ARF4: variants seen among roughly 807,000 people sequenced by gnomAD.
ARF4 encodes the protein ADP-ribosylation factor 4.
In ARF4, 5 loss-of-function variants were observed where a neutral mutation model predicts 24.3. That is an observed-to-expected ratio of 0.21 (90% confidence interval 0.11 to 0.43). The LOEUF is 0.43. Ranked by LOEUF, ARF4 falls within the 20% of genes least tolerant of loss-of-function variation. The probability of loss-of-function intolerance (pLI) is 1.00; values close to 1 mark genes in which losing one functional copy is unlikely to be tolerated. For synonymous variants in ARF4, 62 were observed against 73.5 expected (o/e 0.84, Z 0.80); for missense variants, 107 against 213.0 (o/e 0.50, Z 3.10).
chr3:57,575,125 C>T (rs2153408408), intron 5 of ARF4, among the ~76,000 whole-genome samples: 1 of 150,474 alleles, frequency 6.6e-6, no homozygotes, highest in African/African-American at 2.4e-5. Context: ...GTTGGGATTA[C>T]AGGCATGAGC....
chr3:57,596,841 G>A (rs2070194429), intron 1 of ARF4: 1 of 525,126 alleles, frequency 1.9e-6, no homozygotes, highest in Non-Finnish European at 3.4e-6. Context: ...GCCGAGTCCA[G>A]AAAGAAATCT....
At chr3:57,582,184 T>C (rs1251976360) in intron 3 of ARF4, among the ~76,000 whole-genome samples, 1 of 152,246 alleles carries the variant, frequency 6.6e-6, no homozygotes, top group East Asian at 1.9e-4. Flanking sequence ...TTTTAAAGCA[T>C]GTGCCTCTGT....
chr3:57,581,557 T>C (rs1437057776), intron 3 of ARF4, among the ~76,000 whole-genome samples: 2 of 152,180 alleles, frequency 1.3e-5, no homozygotes, highest in South Asian at 2.1e-4. Context: ...TCCCAGCACT[T>C]TGGGAAGCCC....
intron 3 of ARF4, among the ~76,000 whole-genome samples, chr3:57,578,146 C>T (rs543011142): frequency 6.6e-5 from 10 of 152,014 alleles, no homozygotes; most frequent in Non-Finnish European, 1.3e-4. Flanking sequence ...TGGGATAGCG[C>T]GAGTGTGTAC....
At chr3:57,582,232 C>A (rs1575783650) in intron 3 of ARF4, among the ~76,000 whole-genome samples, 1 of 152,056 alleles carries the variant, frequency 6.6e-6, no homozygotes, top group Non-Finnish European at 1.5e-5. Context: ...TATTGATGAC[C>A]ATAAACATTC....
chr3:57,577,386 C>T lies in ARF4; in HGVS notation c.260G>A (p.Gly87Asp). The T allele has an allele frequency of 1.2e-6, 2 of 1,607,306 alleles. No individual in the cohort carries two copies. The highest frequency in any genetic ancestry group is 1.7e-6 in the Non-Finnish European group (2 of 1,176,882). The change falls in exon 4 of 6, where the codon GGT becomes GAT. Residue 87 changes from glycine (G) to aspartate (D), a missense_variant and splice_region_variant. Gly to Asp is a moderately conservative substitution (Grantham distance 94). Transcript: ENST00000303436. ...GTTGCTATCTACCACAAAAATAAGA[C>T]CCTGGGGAAAAATTGTTTCAGTAAA... ...LWKHYFQNTQ[G>D]LIFVVDSNDR...
At chr3:57,582,487 C>T (rs111881473) in intron 3 of ARF4, among the ~76,000 whole-genome samples, 8 of 152,102 alleles carry the variant, frequency 5.3e-5, no homozygotes, top group Admixed American at 1.3e-4. Flanking sequence ...GTGATCCGCC[C>T]GCCTCAGCCT....
chr3:57,583,839 A>G (rs2070005079), intron 3 of ARF4, 59 bp downstream of exon 3: 1 of 1,228,944 alleles, frequency 8.1e-7, no homozygotes, highest in African/African-American at 1.5e-5. Flanking sequence ...GATACTAATA[A>G]AAACTTTAGA....
intron 1 of ARF4, among the ~76,000 whole-genome samples, chr3:57,594,224 CA>C (rs947988210): frequency 1.6e-4 from 25 of 151,642 alleles, no homozygotes; most frequent in African/African-American, 6.1e-4. Context: ...AACTCCATCT[CA>C]AAAAAAATAA....
intron 5 of ARF4, among the ~76,000 whole-genome samples, chr3:57,572,505 G>A (rs562060244): frequency 1.3e-5 from 2 of 152,218 alleles, no homozygotes; most frequent in East Asian, 1.9e-4. Flanking sequence ...AGGATCACTT[G>A]AGCTTAGTAG....
At chr3:57,584,164 T>C in intron 2 of ARF4, 157 bp from the exon 3 acceptor site, 2 of 698,890 alleles carry the variant, frequency 2.9e-6, no homozygotes, top group Non-Finnish European at 4.8e-6. Flanking sequence ...GGCCTCATTA[T>C]GTTATGCAGG....
intron 1 of ARF4, among the ~76,000 whole-genome samples, chr3:57,588,932 G>C (rs1419549585): frequency 6.6e-6 from 1 of 152,056 alleles, no homozygotes; most frequent in African/African-American, 2.4e-5. Context: ...GAGAAAGCCC[G>C]TCTCTACTAA....
chr3:57,573,429 TG>T (rs2069864092), intron 5 of ARF4, among the ~76,000 whole-genome samples: 1 of 152,178 alleles, frequency 6.6e-6, no homozygotes, highest in South Asian at 2.1e-4. Flanking sequence ...ACCAGTTTAA[TG>T]TTGCAAGGCC....
At chr3:57,581,779 G>A (rs1349907555) in intron 3 of ARF4, among the ~76,000 whole-genome samples, 4 of 152,144 alleles carry the variant, frequency 2.6e-5, no homozygotes, top group East Asian at 1.9e-4. Flanking sequence ...GTGACAGGAC[G>A]AGAACTCCAT....
At chr3:57,579,837 G>T (rs2069949334) in intron 3 of ARF4, among the ~76,000 whole-genome samples, 1 of 152,058 alleles carries the variant, frequency 6.6e-6, no homozygotes, top group Non-Finnish European at 1.5e-5. Context: ...TGGCTGGCAT[G>T]GCACCTCTAA....
At chr3:57,594,772 A>T (rs961459642) in intron 1 of ARF4, among the ~76,000 whole-genome samples, 51 of 152,214 alleles carry the variant, frequency 3.4e-4, no homozygotes, top group African/African-American at 1.2e-3. Flanking sequence ...AACATTAATA[A>T]TTCCAACAGT....
intron 5 of ARF4, 109 bp downstream of exon 5, chr3:57,575,439 A>G (rs1484627984): frequency 1.1e-5 from 12 of 1,110,306 alleles, no homozygotes; most frequent in East Asian, 2.8e-5. Flanking sequence ...TGATGTGCTC[A>G]TTATTTGTCC....
chr3:57,572,423 T>C, intron 5 of ARF4, 125 bp from the exon 6 acceptor site: 1 of 687,146 alleles, frequency 1.5e-6, no homozygotes, highest in Non-Finnish European at 2.4e-6. Flanking sequence ...CTCTCCCATA[T>C]TTAAAGCTAC....
chr3:57,592,019 G>A (rs866974143), intron 1 of ARF4, among the ~76,000 whole-genome samples: 5 of 152,020 alleles, frequency 3.3e-5, no homozygotes, highest in Non-Finnish European at 7.4e-5. Flanking sequence ...TAAAACCCAC[G>A]GAACTGTACA....
Sources: gnomAD v4.1 joint callset for allele counts (sites outside exome capture counted in the v4.1 genomes callset) on GRCh38, gnomAD v4.1.1 for gene constraint, MANE v1.5 for transcripts, NCBI Gene and HGNC (gene_info 2026-07-23, HGNC 2026-07-21) for gene names.